Variants in EDN1 observed in about 807,000 individuals in gnomAD.
EDN1 encodes the protein endothelin-1.
EDN1 carries 11 observed loss-of-function variants against 21.7 expected under a neutral mutation model. The observed-to-expected ratio is 0.51, with a 90% CI of 0.32 to 0.84. The LOEUF is 0.84. Ranked by LOEUF, EDN1 falls within the 40% of genes least tolerant of loss-of-function variation. EDN1 has a pLI of 0.03. For synonymous variants in EDN1, 85 were observed against 90.6 expected, an observed-to-expected ratio of 0.94 and a Z score of 0.35; for missense variants, 244 against 262.3, an observed-to-expected ratio of 0.93 and a Z score of 0.48.
At chr6:12,287,395 G>A (rs150076130), upstream of EDN1, among the ~76,000 whole-genome samples, 6 of 152,120 alleles carry the variant, frequency 3.9e-5, no homozygotes, top group East Asian at 1.2e-3. Context: ...GTGGAGGAGG[G>A]GTGGGGGCAT....
the EDN1 span, among the ~76,000 whole-genome samples, chr6:12,266,985 A>T: frequency 6.6e-6 from 1 of 152,228 alleles, no homozygotes; most frequent in South Asian, 2.1e-4. Context: ...GATTATAGTA[A>T]AGAAGAATTT....
At chr6:12,287,892 C>T (rs1762588796), upstream of EDN1, among the ~76,000 whole-genome samples, 1 of 152,110 alleles carries the variant, frequency 6.6e-6, no homozygotes, top group African/African-American at 2.4e-5. Flanking sequence ...TTTCCCCGAG[C>T]TCGAGAAGGG....
chr6:12,264,561 A>T, the EDN1 span, among the ~76,000 whole-genome samples: 1 of 152,198 alleles, frequency 6.6e-6, no homozygotes. Flanking sequence ...ACATAGGAAG[A>T]GGAAGAATTG....
chr6:12,284,641 AG>A, the EDN1 span, among the ~76,000 whole-genome samples: 1 of 146,364 alleles, frequency 6.8e-6, no homozygotes, highest in Non-Finnish European at 1.5e-5. Context: ...AAGGAAAGAA[AG>A]AAAAAGAAAG....
At chr6:12,254,235 C>A in the EDN1 span, among the ~76,000 whole-genome samples, 25 of 152,258 alleles carry the variant, frequency 1.6e-4, 1 homozygote, top group East Asian at 4.8e-3. Flanking sequence ...TTGCAATTCC[C>A]AAATACTGGG....
chr6:12,291,334 A>C (rs567749033), intron 1 of EDN1, among the ~76,000 whole-genome samples: 57 of 151,298 alleles, frequency 3.8e-4, no homozygotes, highest in African/African-American at 1.3e-3. Flanking sequence ...CACCCAAAAC[A>C]GTGTGAGCTC....
Position 12,295,917 on chromosome 6 carries a change from A to AT in EDN1, c.534-38dup, listed in dbSNP as rs6413477. 94,014 of 1,593,896 alleles carry AT rather than the reference A, an allele frequency of 0.059. 6,860 individuals are homozygous for AT. Among genetic ancestry groups the AT allele is most frequent in the African/African-American group, 0.37 (27,311 of 74,204 alleles). On this transcript the variant is annotated intron_variant, in intron 4 of 4. Transcript: ENST00000379375. ...TACATGTTTCTTTTGCCAAAGGGTG[A>AT]TTTTTTTAAAATAACATTTGTTTTC...
At chr6:12,252,074 G>A in the EDN1 span, among the ~76,000 whole-genome samples, 58,489 of 151,962 alleles carry the variant, frequency 0.38, 11,227 homozygotes, top group South Asian at 0.47. Context: ...GTATAAATGT[G>A]TATGTGTAAG....
In EDN1 at chr6:12,296,052, C is replaced by A; in HGVS notation, c.624C>A (p.Asn208Lys). The change falls in exon 5 of 5, where the codon AAC (asparagine) becomes AAA (lysine). Residue 208 changes from asparagine to lysine, a missense_variant. Physicochemically the swap from Asn to Lys is moderately conservative, Grantham distance 94 (BLOSUM62 0). Transcript: ENST00000379375. Reference sequence around the variant, plus strand: ...CCAGAGAGCGTTATGTGACCCACAACCGAGCACATTGGTGACAGACCTTCG... The same window carrying A: ...CCAGAGAGCGTTATGTGACCCACAAACGAGCACATTGGTGACAGACCTTCG... ...KPSRERYVTH[N>K]RAHW The A allele has an allele frequency of 6.2e-7, 1 of 1,614,036 alleles. No homozygotes were observed. Among genetic ancestry groups the A allele is most frequent in the Non-Finnish European group, 8.5e-7 (1 of 1,179,948 alleles).
the EDN1 span, among the ~76,000 whole-genome samples, chr6:12,247,427 A>C: frequency 6.6e-6 from 1 of 152,128 alleles, no homozygotes; most frequent in East Asian, 1.9e-4. Context: ...AGGGAGTTCT[A>C]GACCAGATCA....
chr6:12,294,334 T>C lies in EDN1; in HGVS notation c.463T>C (p.Cys155Arg), dbSNP rs1198589540. 1.9e-6 allele frequency: 3 copies of C among 1,614,134 alleles called. No individual in the cohort carries two copies. Among genetic ancestry groups the C allele is most frequent in the Non-Finnish European group, 2.5e-6 (3 of 1,180,008 alleles). Residue 155 changes from cysteine (C) to arginine (R), a missense_variant, in exon 4 of 5, where the codon TGT becomes CGT. By Grantham distance (180) the Cys-to-Arg change is radical. Transcript: ENST00000379375. Reference protein sequence around the residue: ...GKDCSKLGKKCIYQQLVRGRK... With the variant: ...GKDCSKLGKKRIYQQLVRGRK... ...AGACTGTTCCAAGCTTGGGAAAAAG[T>C]GTATTTATCAGCAGTTAGTGAGAGG...
At chr6:12,284,744 G>GAAAGAAAGAAAGA in the EDN1 span, among the ~76,000 whole-genome samples, 4 of 68,792 alleles carry the variant, frequency 5.8e-5, no homozygotes, top group African/African-American at 1.8e-4. Context: ...AGGAAGGAAG[G>GAAAGAAAGAAAGA]AAGGAAGAAA....
the EDN1 span, among the ~76,000 whole-genome samples, chr6:12,247,815 A>G: frequency 6.6e-6 from 1 of 152,084 alleles, no homozygotes; most frequent in Non-Finnish European, 1.5e-5. Flanking sequence ...CTGGGATTAC[A>G]GGTGTCAGCA....
At chr6:12,232,766 C>T in the EDN1 span, among the ~76,000 whole-genome samples, 7 of 152,166 alleles carry the variant, frequency 4.6e-5, no homozygotes, top group Non-Finnish European at 5.9e-5. Flanking sequence ...AGTTTATGAA[C>T]GGTAGCTGTT....
intron 1 of EDN1, 38 bp from the exon 2 acceptor site, chr6:12,292,303 G>A: frequency 1.9e-6 from 3 of 1,611,500 alleles, no homozygotes; most frequent in Non-Finnish European, 2.5e-6. Flanking sequence ...CGGCGTTTGA[G>A]GAGACATCCC....
At chr6:12,270,446 C>T in the EDN1 span, among the ~76,000 whole-genome samples, 1 of 151,964 alleles carries the variant, frequency 6.6e-6, no homozygotes, top group Non-Finnish European at 1.5e-5. Flanking sequence ...ATTGTTTTTG[C>T]TGTATCCCAT....
At chr6:12,285,487 T>C (rs879753777), upstream of EDN1, among the ~76,000 whole-genome samples, 5 of 152,036 alleles carry the variant, frequency 3.3e-5, no homozygotes, top group African/African-American at 9.7e-5. Context: ...GTATAAGATA[T>C]TGCAGTTGAT....
Position 12,296,229 on chromosome 6 carries a change from G to A in EDN1, c.*162G>A, listed in dbSNP as rs1762821793. 1.5e-6 allele frequency: 1 copy of A among 673,382 alleles called. No individual in the cohort carries two copies. The highest frequency in any genetic ancestry group is 2.7e-6 in the Non-Finnish European group (1 of 373,382). The allele number at this position is 673,382 out of a possible 1,614,324, so 41.7% of individuals were successfully genotyped here. A position where few individuals can be genotyped will look rare whatever the true frequency, so the allele number is the denominator to read the frequency against. The stretch of plus-strand genomic sequence containing the variant: ...TTCAAAACATTCCAAGAAAGGTTAA[G>A]GAGTTCCCCCAACCATCTTCACTGG... On this transcript the variant is annotated 3_prime_UTR_variant, in exon 5 of 5. Transcript: ENST00000379375.
chr6:12,233,804 T>C, the EDN1 span, among the ~76,000 whole-genome samples: 3 of 152,194 alleles, frequency 2.0e-5, no homozygotes, highest in East Asian at 5.8e-4. Flanking sequence ...TTGGGGTTGA[T>C]GTCCCAAGAA....
Sources: allele counts gnomAD v4.1 joint callset (sites outside exome capture counted in the v4.1 genomes callset), GRCh38; gene constraint gnomAD v4.1.1; transcripts MANE v1.5; gene names NCBI Gene and HGNC (gene_info 2026-07-23, HGNC 2026-07-21).